The following DSCAM variants were observed in gnomAD, a reference collection of about 807,000 sequenced individuals.
DSCAM encodes the protein DS cell adhesion molecule.
A neutral mutation model predicts 217.7 loss-of-function variants in DSCAM; 47 were observed. The ratio of observed to expected loss-of-function variants is 0.22; its 90% CI spans 0.17 to 0.28. The LOEUF (loss-of-function observed/expected upper bound fraction) is 0.28. Ranked by LOEUF, DSCAM falls within the 10% of genes least tolerant of loss-of-function variation. The pLI, the probability that DSCAM is intolerant of heterozygous loss-of-function variation, is 1.00. For synonymous variants in DSCAM, 1,056 were observed against 1,015.3 expected (o/e 1.04, Z -0.76); for missense variants, 2,080 against 2,618.3 (o/e 0.79, Z 4.49).
At chr21:40,355,709 A>T (rs907005640) in intron 4 of DSCAM, among the ~76,000 whole-genome samples, 1 of 152,206 alleles carries the variant, frequency 6.6e-6, no homozygotes, top group African/African-American at 2.4e-5. Context: ...TGCCTCAGTG[A>T]GAAAAATGCC....
chr21:40,447,355 G>A (rs537877795), intron 3 of DSCAM, among the ~76,000 whole-genome samples: 2 of 152,262 alleles, frequency 1.3e-5, no homozygotes, highest in South Asian at 2.1e-4. Flanking sequence ...TAAAGACCAC[G>A]AACAAACTAA....
intron 28 of DSCAM, among the ~76,000 whole-genome samples, chr21:40,058,545 T>G (rs1004328132): frequency 2.0e-5 from 3 of 152,182 alleles, no homozygotes; most frequent in African/African-American, 7.2e-5. Flanking sequence ...AATAAATATC[T>G]GTGAAGTAAA....
intron 10 of DSCAM, among the ~76,000 whole-genome samples, chr21:40,292,185 C>CT (rs11431306): frequency 0.29 from 31,694 of 110,170 alleles, 5,049 homozygotes; most frequent in South Asian, 0.36. Context: ...AATGTAATGA[C>CT]TTTTTTTTTT....
At chr21:40,228,696 C>G (rs1435667963) in intron 11 of DSCAM, among the ~76,000 whole-genome samples, 1 of 150,294 alleles carries the variant, frequency 6.7e-6, no homozygotes, top group Non-Finnish European at 1.5e-5. Context: ...CAAGAAGTTC[C>G]AAGTGCTTGG....
At chr21:40,044,803 A>G (rs2088817119) in intron 30 of DSCAM, among the ~76,000 whole-genome samples, 1 of 152,216 alleles carries the variant, frequency 6.6e-6, no homozygotes, top group Non-Finnish European at 1.5e-5. Context: ...GGGCATCGTC[A>G]TATTCTGTAA....
At chr21:40,300,599 G>A (rs1319692627) in intron 9 of DSCAM, among the ~76,000 whole-genome samples, 2 of 152,170 alleles carry the variant, frequency 1.3e-5, no homozygotes, top group African/African-American at 4.8e-5. Context: ...CCTTACTGGT[G>A]CAACCTTGAC....
At chr21:40,113,163 C>G (rs2089922234) in intron 20 of DSCAM, among the ~76,000 whole-genome samples, 1 of 152,186 alleles carries the variant, frequency 6.6e-6, no homozygotes, top group Non-Finnish European at 1.5e-5. Context: ...TGCAAAAATC[C>G]TCAGTAAAAT....
chr21:40,335,383 T>C (rs1344124436), intron 8 of DSCAM, among the ~76,000 whole-genome samples: 2 of 152,192 alleles, frequency 1.3e-5, no homozygotes, highest in Non-Finnish European at 1.5e-5. Flanking sequence ...CCTAAAATCA[T>C]AAATATATTG....
intron 1 of DSCAM, among the ~76,000 whole-genome samples, chr21:40,829,644 G>A (rs1445002238): frequency 6.6e-6 from 1 of 152,170 alleles, no homozygotes; most frequent in African/African-American, 2.4e-5. Flanking sequence ...GATCCGTGAT[G>A]GTATCGAGAT....
At chr21:40,486,709 G>A (rs192449340) in intron 3 of DSCAM, among the ~76,000 whole-genome samples, 11 of 152,240 alleles carry the variant, frequency 7.2e-5, no homozygotes, top group East Asian at 3.9e-4. Flanking sequence ...GAATTTTCAC[G>A]GGGTAAACTG....
At chr21:40,365,390 G>A (rs1217630461) in intron 4 of DSCAM, among the ~76,000 whole-genome samples, 2 of 152,138 alleles carry the variant, frequency 1.3e-5, no homozygotes, top group Non-Finnish European at 2.9e-5. Flanking sequence ...ACTTTTAGAC[G>A]CTTGGACCTT....
chr21:40,756,536 C>A (rs933036727), intron 1 of DSCAM, among the ~76,000 whole-genome samples: 1 of 151,500 alleles, frequency 6.6e-6, no homozygotes, highest in Admixed American at 6.6e-5. Flanking sequence ...GGATTACAGG[C>A]TCCTGCCACA....
intron 11 of DSCAM, among the ~76,000 whole-genome samples, chr21:40,236,312 C>T (rs988090769): frequency 6.6e-6 from 1 of 152,118 alleles, no homozygotes; most frequent in African/African-American, 2.4e-5. Flanking sequence ...TCTCAAAGTG[C>T]CCACTCTGAA....
intron 1 of DSCAM, among the ~76,000 whole-genome samples, chr21:40,757,952 G>T (rs777040998): frequency 2.0e-5 from 3 of 152,166 alleles, no homozygotes; most frequent in Non-Finnish European, 4.4e-5. Context: ...TTGGAAATAA[G>T]AACTTTGTAG....
intron 3 of DSCAM, among the ~76,000 whole-genome samples, chr21:40,551,601 G>T (rs190815108): frequency 6.6e-6 from 1 of 152,118 alleles, no homozygotes; most frequent in African/African-American, 2.4e-5. Flanking sequence ...TTCCTTACAG[G>T]TGCAAAATTT....
chr21:40,645,979 A>C (rs2089941101), intron 3 of DSCAM, among the ~76,000 whole-genome samples: 2 of 152,220 alleles, frequency 1.3e-5, no homozygotes, highest in South Asian at 4.1e-4. Context: ...CTATAAAATT[A>C]ACTGCACTAA....
intron 3 of DSCAM, among the ~76,000 whole-genome samples, chr21:40,483,226 A>T (rs1410716896): frequency 2.6e-5 from 4 of 152,252 alleles, no homozygotes; most frequent in African/African-American, 9.6e-5. Flanking sequence ...CTTACAAATT[A>T]GCAAATATCT....
intron 6 of DSCAM, among the ~76,000 whole-genome samples, chr21:40,340,937 G>C (rs969781911): frequency 5.9e-5 from 9 of 152,200 alleles, no homozygotes; most frequent in East Asian, 5.8e-4. Context: ...CAGTTATGTA[G>C]GGTCTTCATG....
chr21:40,573,340 A>G (rs1191675688), intron 3 of DSCAM, among the ~76,000 whole-genome samples: 1 of 152,148 alleles, frequency 6.6e-6, no homozygotes, highest in African/African-American at 2.4e-5. Context: ...TCTGTCTCAA[A>G]TAAATAAATA....
Sources: allele counts gnomAD v4.1 joint callset (sites outside exome capture counted in the v4.1 genomes callset), GRCh38; gene constraint gnomAD v4.1.1; transcripts MANE v1.5; gene names NCBI Gene and HGNC (gene_info 2026-07-23, HGNC 2026-07-21).